CEP112: variants seen among roughly 807,000 people sequenced by gnomAD.
The protein encoded by CEP112 is centrosomal protein 112.
Under a neutral mutation model 153.0 loss-of-function variants are expected in CEP112, and 127 were observed. The ratio of observed to expected loss-of-function variants is 0.83; its 90% CI spans 0.72 to 0.96. CEP112 has a LOEUF of 0.96. Ranked by LOEUF, CEP112 falls within the 40% of genes least tolerant of loss-of-function variation. The pLI is 0.00. For synonymous variants in CEP112, 358 were observed against 374.4 expected (o/e 0.96, Z 0.51); for missense variants, 1,089 against 1,101.2 (o/e 0.99, Z 0.16).
At chr17:65,980,448 T>C (rs1046228159) in intron 17 of CEP112, among the ~76,000 whole-genome samples, 2 of 152,228 alleles carry the variant, frequency 1.3e-5, no homozygotes, top group African/African-American at 4.8e-5. Context: ...TGACAAAATC[T>C]TTCTTCCAGA....
At chr17:65,722,077 T>C (rs913295205) in intron 23 of CEP112, among the ~76,000 whole-genome samples, 2 of 152,168 alleles carry the variant, frequency 1.3e-5, no homozygotes, top group Non-Finnish European at 2.9e-5. Flanking sequence ...CATTTGACTA[T>C]GTGGAGTAGG....
At chr17:65,639,947 C>T (rs1438809780) in intron 25 of CEP112, among the ~76,000 whole-genome samples, 1 of 145,018 alleles carries the variant, frequency 6.9e-6, no homozygotes, top group African/African-American at 2.6e-5. Context: ...AAGTGATTCT[C>T]CTGCCTCAGC....
intron 24 of CEP112, among the ~76,000 whole-genome samples, chr17:65,662,762 T>C (rs2046456091): frequency 6.6e-6 from 1 of 152,140 alleles, no homozygotes; most frequent in Admixed American, 6.5e-5. Context: ...GATATTACGA[T>C]GAATGCCACT....
At chr17:65,737,840 G>A (rs2050892279) in intron 23 of CEP112, among the ~76,000 whole-genome samples, 1 of 152,196 alleles carries the variant, frequency 6.6e-6, no homozygotes, top group African/African-American at 2.4e-5. Context: ...ACTTACATGA[G>A]AAAGAAAGAC....
At chr17:65,892,173 G>A (rs557368988) in intron 20 of CEP112, among the ~76,000 whole-genome samples, 1 of 152,248 alleles carries the variant, frequency 6.6e-6, no homozygotes, top group African/African-American at 2.4e-5. Context: ...GATGTGAAAG[G>A]CACCTCCTAA....
chr17:66,053,320 T>C (rs1050009923), intron 12 of CEP112, among the ~76,000 whole-genome samples: 3 of 151,712 alleles, frequency 2.0e-5, no homozygotes, highest in Non-Finnish European at 2.9e-5. Flanking sequence ...GCCAACATGG[T>C]GAAACCCCCT....
At chr17:66,113,031 T>G (rs1003706119) in intron 6 of CEP112, among the ~76,000 whole-genome samples, 1 of 151,760 alleles carries the variant, frequency 6.6e-6, no homozygotes, top group Admixed American at 6.6e-5. Flanking sequence ...ATCACACCAT[T>G]GCACTCCAGC....
At chr17:65,792,296 C>G (rs11651424) in intron 21 of CEP112, among the ~76,000 whole-genome samples, 9,611 of 152,208 alleles carry the variant, frequency 0.063, 398 homozygotes, top group Non-Finnish European at 0.096. Flanking sequence ...ATACACAGAT[C>G]GTAATGGGGA....
chr17:65,973,964 A>C (rs2062940947), intron 17 of CEP112, among the ~76,000 whole-genome samples: 2 of 152,206 alleles, frequency 1.3e-5, no homozygotes, highest in African/African-American at 4.8e-5. Context: ...AATCTCACTT[A>C]CAAGAGTACT....
chr17:66,001,545 T>C (rs2064052361), intron 17 of CEP112, among the ~76,000 whole-genome samples: 1 of 152,236 alleles, frequency 6.6e-6, no homozygotes, highest in African/African-American at 2.4e-5. Context: ...TCAGAATAAA[T>C]ATGTTAAGGC....
At chr17:65,660,177 C>CCTTCCT (rs2046270778) in intron 24 of CEP112, among the ~76,000 whole-genome samples, 218 of 139,486 alleles carry the variant, frequency 1.6e-3, no homozygotes, top group African/African-American at 5.9e-3. Flanking sequence ...ACCTTGATTT[C>CCTTCCT]TCCTTCCTTC....
intron 20 of CEP112, among the ~76,000 whole-genome samples, chr17:65,881,083 C>T (rs145035159): frequency 1.3e-5 from 2 of 152,238 alleles, no homozygotes; most frequent in Non-Finnish European, 2.9e-5. Flanking sequence ...GGCATGCTGG[C>T]ATGCGCTTGT....
chr17:66,077,714 C>T (rs766712440), intron 8 of CEP112, among the ~76,000 whole-genome samples: 9 of 152,180 alleles, frequency 5.9e-5, no homozygotes, highest in Admixed American at 6.5e-5. Context: ...ACAAAGAACA[C>T]TTGGGAAATT....
chr17:66,132,613 G>A, intron 5 of CEP112, 57 bp downstream of exon 5: 2 of 1,185,128 alleles, frequency 1.7e-6, no homozygotes, highest in Non-Finnish European at 2.5e-6. Flanking sequence ...TTAAAACTTT[G>A]TTCAGCTATT....
chr17:65,900,727 T>C (rs1322720847), intron 20 of CEP112, among the ~76,000 whole-genome samples: 2 of 152,140 alleles, frequency 1.3e-5, no homozygotes, highest in African/African-American at 2.4e-5. Flanking sequence ...AAAGAGAATA[T>C]GAACTAGACA....
At chr17:65,672,324 T>C (rs2047026509) in intron 24 of CEP112, among the ~76,000 whole-genome samples, 1 of 152,180 alleles carries the variant, frequency 6.6e-6, no homozygotes, top group Admixed American at 6.5e-5. Context: ...AAGATGTCAA[T>C]TGTCCTGAGA....
chr17:65,681,146 A>T (rs938799250), intron 24 of CEP112, among the ~76,000 whole-genome samples: 1 of 152,230 alleles, frequency 6.6e-6, no homozygotes, highest in Admixed American at 6.5e-5. Flanking sequence ...TTACAGAGTG[A>T]TTCAATTCAA....
intron 21 of CEP112, among the ~76,000 whole-genome samples, chr17:65,781,119 C>T (rs950235118): frequency 2.6e-5 from 4 of 152,028 alleles, no homozygotes; most frequent in Non-Finnish European, 5.9e-5. Context: ...GCTGAAAGGA[C>T]GTTCTTGAGA....
At chr17:65,905,369 A>G (rs984101391) in intron 19 of CEP112, among the ~76,000 whole-genome samples, 1 of 152,256 alleles carries the variant, frequency 6.6e-6, no homozygotes, top group Non-Finnish European at 1.5e-5. Context: ...ATCACTGGTC[A>G]TTAGAGAAAT....
Sources: allele counts gnomAD v4.1 joint callset (sites outside exome capture counted in the v4.1 genomes callset), GRCh38; gene constraint gnomAD v4.1.1; transcripts MANE v1.5; gene names NCBI Gene and HGNC (gene_info 2026-07-23, HGNC 2026-07-21).